The following RMRP variants were observed in gnomAD, a reference collection of about 807,000 sequenced individuals.
RMRP encodes the protein RNase MRP RNA.
Position 35,657,894 on chromosome 9 carries a change from G to T in RMRP, n.124C>A, listed in dbSNP as rs938089991. 1.1e-5 allele frequency: 8 copies of T among 697,184 alleles called. No homozygotes were observed. Among genetic ancestry groups the T allele is most frequent in the Middle Eastern group, 3.6e-4 (1 of 2,750 alleles). 43.2% of individuals were successfully genotyped at this position (697,184 alleles called of 1,614,324 possible). A position where few individuals can be genotyped will look rare whatever the true frequency, so the allele number is the denominator to read the frequency against. On this transcript the variant is annotated non_coding_transcript_exon_variant, in exon 1 of 1. Transcript: ENST00000363046. ...TGGCGGACTTTGGAGTGGGAAGCGG[G>T]GAATGTCTACGTGCGTATGCACGTG... is the stretch of plus-strand genomic sequence containing the variant.
chr9:35,657,945 CT>C, exon 1 of RMRP: 1 of 700,452 alleles, frequency 1.4e-6, no homozygotes, highest in Non-Finnish European at 2.6e-6. Flanking sequence ...GGTCCGGGGA[CT>C]TTCCCCTAGG....
chr9:35,657,904 C>T lies in RMRP; in HGVS notation n.114G>A, dbSNP rs747605028. ...TGGAGTGGGAAGCGGGGAATGTCTA[C>T]GTGCGTATGCACGTGGCACTCTCTG... On this transcript the variant is annotated non_coding_transcript_exon_variant, in exon 1 of 1. Transcript: ENST00000363046. 3.4e-5 allele frequency: 24 copies of T among 700,320 alleles called. No individual in the cohort carries two copies. The highest frequency in any genetic ancestry group is 1.4e-4 in the African/African-American group (8 of 57,202). The allele number at this position is 700,320 out of a possible 1,614,324, so 43.4% of individuals were successfully genotyped here.
exon 1 of RMRP, chr9:35,657,817 G>T (rs183570217): frequency 2.9e-6 from 2 of 692,710 alleles, no homozygotes; most frequent in Non-Finnish European, 2.6e-6. Context: ...GTAACTAGAG[G>T]GAGCTGACGG....
chr9:35,657,964 G>C, exon 1 of RMRP: 3 of 700,430 alleles, frequency 4.3e-6, no homozygotes, highest in East Asian at 2.7e-5. Flanking sequence ...AGGCGGAAAG[G>C]GGAGGAACAG....
rs534955648 is a variant in RMRP at position 35,657,868 on chromosome 9, T to C, written n.150A>G. On this transcript the variant is annotated non_coding_transcript_exon_variant, in exon 1 of 1. Coordinates refer to ENST00000363046, the Ensembl canonical transcript of RMRP. ...CACGCCGCTCAGCGGGATACGCTTC[T>C]TGGCGGACTTTGGAGTGGGAAGCGG... The C allele has an allele frequency of 2.9e-5, 20 of 693,234 alleles. No homozygotes were observed. The highest frequency in any genetic ancestry group is 8.0e-5 in the East Asian group (3 of 37,302). 42.9% of individuals were successfully genotyped at this position (693,234 alleles called of 1,614,324 possible).
Position 35,657,902 on chromosome 9 carries a change from T to C in RMRP, n.116A>G, listed in dbSNP as rs763923256. 5 of 698,706 alleles carry C rather than the reference T, an allele frequency of 7.2e-6. No homozygotes were observed. Among genetic ancestry groups the C allele is most frequent in the Admixed American group, 4.0e-5 (2 of 49,886 alleles). The allele number at this position is 698,706 out of a possible 1,614,324, so 43.3% of individuals were successfully genotyped here. On this transcript the variant is annotated non_coding_transcript_exon_variant, in exon 1 of 1. Coordinates refer to ENST00000363046, the Ensembl canonical transcript of RMRP. ...TTTGGAGTGGGAAGCGGGGAATGTC[T>C]ACGTGCGTATGCACGTGGCACTCTC...
rs565056797 is a variant in RMRP at position 35,657,846 on chromosome 9, G to A, written n.172C>T. ...CTGACGGATGACGCCCCCGCGCCAC[G>A]CCGCTCAGCGGGATACGCTTCTTGG... On this transcript the variant is annotated non_coding_transcript_exon_variant, in exon 1 of 1. Transcript: ENST00000363046. 43 of 693,776 alleles carry A rather than the reference G, an allele frequency of 6.2e-5. 2 individuals are homozygous for A. In the East Asian group the frequency reaches 9.1e-4, roughly 15 times the overall value. 43.0% of individuals were successfully genotyped at this position (693,776 alleles called of 1,614,324 possible). A position where few individuals can be genotyped will look rare whatever the true frequency, so the allele number is the denominator to read the frequency against.
chr9:35,657,836 CCCG>C (rs1587918039), exon 1 of RMRP: 1 of 693,236 alleles, frequency 1.4e-6, no homozygotes. Context: ...GGATGACGCC[CCCG>C]CGCCACGCCG....
exon 1 of RMRP, chr9:35,657,798 A>C (rs1013239356): frequency 2.9e-6 from 2 of 699,896 alleles, no homozygotes; most frequent in Middle Eastern, 3.6e-4. Flanking sequence ...GCGGACACGC[A>C]CTGCCTGCGT....
chr9:35,657,792 A>T, exon 1 of RMRP: 1 of 699,424 alleles, frequency 1.4e-6, no homozygotes, highest in Admixed American at 2.0e-5. Context: ...TGGTGCGCGG[A>T]CACGCACTGC....
At chr9:35,657,852 C>CT in exon 1 of RMRP, 1 of 693,846 alleles carries the variant, frequency 1.4e-6, no homozygotes, top group Admixed American at 2.0e-5. Context: ...CCACGCCGCT[C>CT]AGCGGGATAC....
In RMRP at chr9:35,657,813, A is replaced by G. The variant is rs370303129; in HGVS notation, n.205T>C. On this transcript the variant is annotated non_coding_transcript_exon_variant, in exon 1 of 1. Coordinates refer to ENST00000363046, the Ensembl canonical transcript of RMRP. Reference sequence around the variant, plus strand: ...GCGGACACGCACTGCCTGCGTAACTAGAGGGAGCTGACGGATGACGCCCCC... The same window carrying G: ...GCGGACACGCACTGCCTGCGTAACTGGAGGGAGCTGACGGATGACGCCCCC... 1.9e-5 allele frequency: 13 copies of G among 700,316 alleles called. No homozygotes were observed. Among genetic ancestry groups the G allele is most frequent in the East Asian group, 1.1e-4 (4 of 37,298 alleles). 43.4% of individuals were successfully genotyped at this position (700,316 alleles called of 1,614,324 possible).
exon 1 of RMRP, chr9:35,657,923 C>G (rs970510851): frequency 2.9e-6 from 2 of 700,454 alleles, no homozygotes; most frequent in Non-Finnish European, 5.2e-6. Context: ...GCACGTGGCA[C>G]TCTCTGCCCG....
At chr9:35,657,853 A>G (rs1160309777) in exon 1 of RMRP, 4 of 693,878 alleles carry the variant, frequency 5.8e-6, no homozygotes, top group Admixed American at 2.0e-5. Flanking sequence ...CACGCCGCTC[A>G]GCGGGATACG....
At position 35,657,950 on chromosome 9, in the gene RMRP, C is replaced by T. The variant is rs1823622604; in HGVS notation, n.68G>A. The T allele has an allele frequency of 2.9e-6, 2 of 700,432 alleles. No homozygotes were observed. The highest frequency in any genetic ancestry group is 2.7e-5 in the East Asian group (1 of 37,282). The allele number at this position is 700,432 out of a possible 1,614,324, so 43.4% of individuals were successfully genotyped here. A position where few individuals can be genotyped will look rare whatever the true frequency, so the allele number is the denominator to read the frequency against. On this transcript the variant is annotated non_coding_transcript_exon_variant, in exon 1 of 1. Coordinates refer to ENST00000363046, the Ensembl canonical transcript of RMRP. Reference sequence around the variant, plus strand: ...CTCTGCCCGAGGTCCGGGGACTTTCCCCTAGGCGGAAAGGGGAGGAACAGA... The same window carrying T: ...CTCTGCCCGAGGTCCGGGGACTTTCTCCTAGGCGGAAAGGGGAGGAACAGA...
rs893651141 is a variant in RMRP, at chr9:35,658,010, G to C, written n.8C>G. 2.9e-6 allele frequency: 2 copies of C among 692,584 alleles called. No homozygotes were observed. Among genetic ancestry groups the C allele is most frequent in the Admixed American group, 2.0e-5 (1 of 49,756 alleles). 42.9% of individuals were successfully genotyped at this position (692,584 alleles called of 1,614,324 possible). On this transcript the variant is annotated non_coding_transcript_exon_variant, in exon 1 of 1. Transcript: ENST00000363046. ...GTGTAGCCTAGGATACAGGCCTTCA[G>C]CACGAACCACGTCCTCAGCTTCACA...
At position 35,657,822 on chromosome 9, in the gene RMRP, T is replaced by C. The variant is rs773432147; in HGVS notation, n.196A>G. On this transcript the variant is annotated non_coding_transcript_exon_variant, in exon 1 of 1. Coordinates refer to ENST00000363046, the Ensembl canonical transcript of RMRP. ...CACTGCCTGCGTAACTAGAGGGAGC[T>C]GACGGATGACGCCCCCGCGCCACGC... 18 of 692,774 alleles carry C rather than the reference T, an allele frequency of 2.6e-5. No homozygotes were observed. Among genetic ancestry groups the C allele is most frequent in the Non-Finnish European group, 3.6e-5 (14 of 384,732 alleles). The allele number at this position is 692,774 out of a possible 1,614,324, so 42.9% of individuals were successfully genotyped here.
chr9:35,657,761 T>A, exon 1 of RMRP: 1 of 688,222 alleles, frequency 1.5e-6, no homozygotes, highest in South Asian at 1.5e-5. Context: ...ACAGCCGCGC[T>A]GAGAATGAGC....
chr9:35,657,816 G>C lies in RMRP; in HGVS notation n.202C>G, dbSNP rs964504772. ...GACACGCACTGCCTGCGTAACTAGA[G>C]GGAGCTGACGGATGACGCCCCCGCG... On this transcript the variant is annotated non_coding_transcript_exon_variant, in exon 1 of 1. Transcript: ENST00000363046. 2 of 692,782 alleles carry C rather than the reference G, an allele frequency of 2.9e-6. No individual in the cohort carries two copies. Among genetic ancestry groups the C allele is most frequent in the Non-Finnish European group, 5.2e-6 (2 of 384,730 alleles). The allele number at this position is 692,782 out of a possible 1,614,324, so 42.9% of individuals were successfully genotyped here. A position where few individuals can be genotyped will look rare whatever the true frequency, so the allele number is the denominator to read the frequency against.
Sources: gnomAD v4.1 joint callset for allele counts on GRCh38, gnomAD v4.1.1 for gene constraint, MANE v1.5 for transcripts, NCBI Gene and HGNC (gene_info 2026-07-23, HGNC 2026-07-21) for gene names.